The following PPP4R4 variants were observed in gnomAD, a reference collection of about 807,000 sequenced individuals.
PPP4R4 encodes the protein serine/threonine-protein phosphatase 4 regulatory subunit 4.
A neutral mutation model predicts 121.8 loss-of-function variants in PPP4R4; 70 were observed. That is an observed-to-expected ratio of 0.57 (90% CI 0.47 to 0.70). The LOEUF is 0.70. PPP4R4 is among the 30% of genes least tolerant of loss of function. The pLI is 0.00. For missense variants in PPP4R4, 875 were observed against 1,033.6 expected, an observed-to-expected ratio of 0.85 and a Z score of 2.10; for synonymous variants, 348 against 355.7, an observed-to-expected ratio of 0.98 and a Z score of 0.24.
chr14:94,222,854 T>G (rs1243710563), intron 3 of PPP4R4, among the ~76,000 whole-genome samples: 1 of 152,090 alleles, frequency 6.6e-6, no homozygotes, highest in Non-Finnish European at 1.5e-5. Flanking sequence ...CTCTCTCTCC[T>G]CCTTCTAAGA....
chr14:94,269,175 G>A lies in PPP4R4; in HGVS notation c.2449+2146G>A, dbSNP rs532118193. On this transcript the variant is annotated intron_variant, in intron 23 of 24. Coordinates refer to ENST00000304338, the MANE Select transcript of PPP4R4 (RefSeq NM_058237.2). ...GCATAGAGAAGAGATCTTATTTGTC[G>A]GACTCAAAACAGGCTTCAAGATGAT... Among the ~76,000 whole-genome samples, 6 of 152,136 alleles carry A rather than the reference G, an allele frequency of 3.9e-5. No homozygotes were observed. The South Asian group carries it at 8.3e-4, about 21-fold the overall frequency.
chr14:94,208,393 A>G (rs575838828), intron 2 of PPP4R4, 71 bp from the exon 3 acceptor site: 370 of 1,148,740 alleles, frequency 3.2e-4, no homozygotes, highest in Non-Finnish European at 4.2e-4. Flanking sequence ...CAATTAGTCC[A>G]TACTTTTTAT....
At chr14:94,264,467 T>C (rs894691373) in intron 19 of PPP4R4, among the ~76,000 whole-genome samples, 2 of 152,148 alleles carry the variant, frequency 1.3e-5, no homozygotes, top group Non-Finnish European at 2.9e-5. Flanking sequence ...ATGTATATTA[T>C]ACTTAAATAA....
intron 3 of PPP4R4, 116 bp from the exon 4 acceptor site, chr14:94,230,471 C>T: frequency 1.1e-6 from 1 of 913,818 alleles, no homozygotes; most frequent in Non-Finnish European, 1.6e-6. Flanking sequence ...CCTTAAAGGT[C>T]ATATGTCTTA....
Position 94,242,333 on chromosome 14 carries a change from C to G in PPP4R4, c.1191C>G (p.Leu397=). ...ATCCTAAAAACTTCCACATGGAACT[C>G]TATTCTACATTCTTCTGCCTTTGCC... ...FVDPKNFHME[L]YSTFFCLCHD... The change falls in exon 11 of 25, where the codon CTC becomes CTG. Residue 397 remains leucine (L), a synonymous_variant. Coordinates refer to ENST00000304338, the MANE Select transcript of PPP4R4 (RefSeq NM_058237.2). 2 of 1,609,266 alleles carry G rather than the reference C, an allele frequency of 1.2e-6. No individual in the cohort carries two copies. The highest frequency in any genetic ancestry group is 4.5e-5 in the East Asian group (2 of 44,780).
intron 2 of PPP4R4, among the ~76,000 whole-genome samples, chr14:94,188,581 G>A (rs1156647127): frequency 6.6e-6 from 1 of 151,254 alleles, no homozygotes; most frequent in Admixed American, 6.6e-5. Context: ...ATATATGTGT[G>A]TATACACACA....
chr14:94,255,258 T>C (rs1893406325), intron 16 of PPP4R4, among the ~76,000 whole-genome samples: 2 of 152,212 alleles, frequency 1.3e-5, no homozygotes, highest in Non-Finnish European at 2.9e-5. Context: ...CTTCTCTCTG[T>C]CATTCTACCT....
At chr14:94,183,655 T>A (rs946135380) in intron 2 of PPP4R4, among the ~76,000 whole-genome samples, 1 of 152,220 alleles carries the variant, frequency 6.6e-6, no homozygotes, top group Non-Finnish European at 1.5e-5. Context: ...TCATGGGATC[T>A]ATAGGAAAAG....
At chr14:94,176,017 ATT>A in intron 1 of PPP4R4, 35 bp from the exon 2 acceptor site, 1 of 1,538,558 alleles carries the variant, frequency 6.5e-7, no homozygotes, top group South Asian at 1.1e-5. Context: ...CTGAACCAAT[ATT>A]TGTGGTGCAT....
At chr14:94,252,027 A>G in intron 16 of PPP4R4, 131 bp downstream of exon 16, 4 of 714,418 alleles carry the variant, frequency 5.6e-6, no homozygotes, top group Non-Finnish European at 8.7e-6. Context: ...TGAAATTCTT[A>G]GTATTCATAA....
chr14:94,241,981 A>G, intron 10 of PPP4R4, 24 bp downstream of exon 10: 1 of 1,549,622 alleles, frequency 6.5e-7, no homozygotes, highest in African/African-American at 1.4e-5. Flanking sequence ...ATTTATATTT[A>G]CTGAGGATTT....
intron 23 of PPP4R4, 133 bp from the exon 24 acceptor site, chr14:94,275,241 T>G: frequency 1.0e-6 from 1 of 997,006 alleles, no homozygotes; most frequent in Non-Finnish European, 1.5e-6. Context: ...TGCAGTTTGT[T>G]GTATGTAAAT....
intron 23 of PPP4R4, among the ~76,000 whole-genome samples, chr14:94,269,764 G>A (rs1366408812): frequency 1.3e-5 from 2 of 152,104 alleles, no homozygotes; most frequent in African/African-American, 2.4e-5. Flanking sequence ...TACTTAACAC[G>A]AATCCACTGT....
rs536872466 is a variant in PPP4R4, at chr14:94,234,418, A to G, written c.624-144A>G. On this transcript the variant is annotated intron_variant, in intron 6 of 24. Coordinates refer to ENST00000304338, the MANE Select transcript of PPP4R4 (RefSeq NM_058237.2). ...ATAACATCCAAATTTAATAACATGTAAAATACCTTGTAAACTATTATTTTT... is the reference window on the plus strand; with the variant it reads ...ATAACATCCAAATTTAATAACATGTGAAATACCTTGTAAACTATTATTTTT... The G allele has an allele frequency of 8.4e-6, 5 of 597,984 alleles. No individual in the cohort carries two copies. The East Asian group carries it at 1.2e-4, about 14-fold the overall frequency. 37.0% of individuals were successfully genotyped at this position (597,984 alleles called of 1,614,324 possible).
chr14:94,215,049 A>G (rs1890950217), intron 3 of PPP4R4, among the ~76,000 whole-genome samples: 1 of 152,226 alleles, frequency 6.6e-6, no homozygotes, highest in Admixed American at 6.5e-5. Flanking sequence ...AAATCGCAAA[A>G]CATTCAAAAT....
At chr14:94,250,700 T>C (rs1893136487) in intron 15 of PPP4R4, among the ~76,000 whole-genome samples, 1 of 151,996 alleles carries the variant, frequency 6.6e-6, no homozygotes, top group Non-Finnish European at 1.5e-5. Flanking sequence ...ATGAGCCTAG[T>C]TGGTTTATAA....
At chr14:94,244,306 G>C (rs1488678065) in intron 11 of PPP4R4, among the ~76,000 whole-genome samples, 1 of 152,184 alleles carries the variant, frequency 6.6e-6, no homozygotes, top group Non-Finnish European at 1.5e-5. Context: ...TTAAGACCCT[G>C]TTGGCTCCTC....
At chr14:94,213,709 A>G (rs1275375583) in intron 3 of PPP4R4, among the ~76,000 whole-genome samples, 1 of 152,192 alleles carries the variant, frequency 6.6e-6, no homozygotes, top group Admixed American at 6.5e-5. Flanking sequence ...AAGGAATGAT[A>G]GCAACCACCA....
At chr14:94,244,744 C>T in intron 12 of PPP4R4, 32 bp downstream of exon 12, 1 of 1,458,700 alleles carries the variant, frequency 6.9e-7, no homozygotes, top group Non-Finnish European at 9.2e-7. Context: ...ATTTTTAATT[C>T]TTTTATGTTT....
Sources: allele counts gnomAD v4.1 joint callset (sites outside exome capture counted in the v4.1 genomes callset), GRCh38; gene constraint gnomAD v4.1.1; transcripts MANE v1.5; gene names NCBI Gene and HGNC (gene_info 2026-07-23, HGNC 2026-07-21).